QSOX2: variants seen among roughly 807,000 people sequenced by gnomAD.
QSOX2 encodes sulfhydryl oxidase 2.
A neutral mutation model predicts 61.7 loss-of-function variants in QSOX2; 46 were observed. The ratio of observed to expected loss-of-function variants is 0.75; its 90% CI spans 0.59 to 0.95. The LOEUF (loss-of-function observed/expected upper bound fraction) is 0.95, where lower values mean the gene tolerates loss of function less well. Among genes scored for constraint, QSOX2 ranks in the 40% least tolerant of loss-of-function variants. The pLI is 0.00. For missense variants in QSOX2, 879 were observed against 918.9 expected (o/e 0.96, Z 0.56); for synonymous variants, 383 against 388.4 (o/e 0.99, Z 0.16).
chr9:136,227,905 G>A (rs1165384075), intron 1 of QSOX2, among the ~76,000 whole-genome samples: 1 of 152,112 alleles, frequency 6.6e-6, no homozygotes, highest in Non-Finnish European at 1.5e-5. Flanking sequence ...CTTGAGCCCG[G>A]AAGGCACAGG....
In QSOX2 at chr9:136,221,700, C is replaced by T; in HGVS notation, c.821+96G>A. Reference sequence around the variant, plus strand: ...GAAGCGAGGCGGAGGGGCCAGGGCTCCCCCGATCTCACACCAGACTTGCAC... The same window carrying T: ...GAAGCGAGGCGGAGGGGCCAGGGCTTCCCCGATCTCACACCAGACTTGCAC... On this transcript the variant is annotated intron_variant, in intron 6 of 11. Coordinates refer to ENST00000358701, the MANE Select transcript of QSOX2 (RefSeq NM_181701.4). The surrounding 1 kb of genome is among the most constrained non-coding windows in gnomAD (Gnocchi z 4.5). 2 of 1,354,646 alleles carry T rather than the reference C, an allele frequency of 1.5e-6. No individual in the cohort carries two copies. The highest frequency in any genetic ancestry group is 9.9e-7 in the Non-Finnish European group (1 of 1,012,986). 83.9% of individuals were successfully genotyped at this position (1,354,646 alleles called of 1,614,324 possible). A position where few individuals can be genotyped will look rare whatever the true frequency, so the allele number is the denominator to read the frequency against.
At chr9:136,224,782 C>G (rs1307043307) in intron 3 of QSOX2, 79 bp downstream of exon 3, 1 of 991,524 alleles carries the variant, frequency 1.0e-6, no homozygotes. Flanking sequence ...TGGGAGCTCC[C>G]CAGGCTCTGG....
chr9:136,211,426 G>T lies in QSOX2; in HGVS notation c.1387C>A (p.Leu463Met). ...TGFEDDPQAV[L>M]QTMRRYVHTF... ...TGAACGTACCTCCTCATTGTCTGCA[G>T]CACAGCCTGGGGGTCGTCTTCAAAG... The change falls in exon 11 of 12, where the codon CTG (leucine) becomes ATG (methionine). Residue 463 changes from leucine (L) to methionine (M), a missense_variant. Coordinates refer to ENST00000358701, the MANE Select transcript of QSOX2 (RefSeq NM_181701.4). 6.2e-7 allele frequency: 1 copy of T among 1,614,130 alleles called. No homozygotes were observed. Among genetic ancestry groups the T allele is most frequent in the Admixed American group, 1.7e-5 (1 of 60,026 alleles).
intron 1 of QSOX2, among the ~76,000 whole-genome samples, chr9:136,231,341 C>T (rs1397965332): frequency 6.6e-6 from 1 of 152,218 alleles, no homozygotes; most frequent in Non-Finnish European, 1.5e-5. Flanking sequence ...ATGCTGCAGC[C>T]CAAACATGCA....
intron 6 of QSOX2, among the ~76,000 whole-genome samples, chr9:136,220,036 A>G (rs1250928239): frequency 6.6e-6 from 1 of 152,016 alleles, no homozygotes; most frequent in Non-Finnish European, 1.5e-5. Context: ...ATTTTCACTC[A>G]TTTATCTATT....
chr9:136,231,268 G>C (rs182113418), intron 1 of QSOX2, among the ~76,000 whole-genome samples: 114 of 152,260 alleles, frequency 7.5e-4, no homozygotes, highest in Middle Eastern at 3.4e-3. Context: ...TCCGACTAGC[G>C]TGTGACCAGA....
At chr9:136,234,352 T>C (rs1300637467) in intron 1 of QSOX2, among the ~76,000 whole-genome samples, 1 of 152,194 alleles carries the variant, frequency 6.6e-6, no homozygotes, top group East Asian at 1.9e-4. Context: ...CATTTTTGAC[T>C]GTACAGGAGC....
At chr9:136,240,457 G>C (rs1339111086) in intron 1 of QSOX2, among the ~76,000 whole-genome samples, 1 of 152,198 alleles carries the variant, frequency 6.6e-6, no homozygotes. Context: ...AGGGAGCTGT[G>C]TTTAAGGGAC....
chr9:136,219,315 G>T, intron 6 of QSOX2, 151 bp from the exon 7 acceptor site: 1 of 929,380 alleles, frequency 1.1e-6, no homozygotes, highest in Non-Finnish European at 1.5e-6. Context: ...CTGACACCCC[G>T]CCTGGGCTCC....
At chr9:136,226,358 G>A (rs999593216) in intron 2 of QSOX2, among the ~76,000 whole-genome samples, 6 of 152,214 alleles carry the variant, frequency 3.9e-5, no homozygotes, top group Non-Finnish European at 7.4e-5. Context: ...GAGGCCCTGT[G>A]CCTGTGTGTG....
Position 136,224,923 on chromosome 9 carries a change from C to T in QSOX2, c.430-14G>A. 2.5e-6 allele frequency: 4 copies of T among 1,599,430 alleles called. No individual in the cohort carries two copies. Among genetic ancestry groups the T allele is most frequent in the Non-Finnish European group, 3.4e-6 (4 of 1,172,184 alleles). On this transcript the variant is annotated splice_polypyrimidine_tract_variant and intron_variant, in intron 2 of 11. Coordinates refer to ENST00000358701, the MANE Select transcript of QSOX2 (RefSeq NM_181701.4). ...TGCTTTAAAATACTAAGAGGAAAAA[C>T]ACAGAACAAGTAAGAGGCAGCCTTC...
chr9:136,242,718 T>C (rs1324339470), intron 1 of QSOX2, among the ~76,000 whole-genome samples: 1 of 152,222 alleles, frequency 6.6e-6, no homozygotes, highest in Non-Finnish European at 1.5e-5. Context: ...GGGCTGGGGC[T>C]GTGGAGAAGC....
At chr9:136,245,441 G>A (rs1830464245) in intron 1 of QSOX2, 35 bp downstream of exon 1, 1 of 1,552,552 alleles carries the variant, frequency 6.4e-7, no homozygotes, top group Non-Finnish European at 8.7e-7. Context: ...GCGGTCCCGG[G>A]GGTCGGGGGG....
chr9:136,216,450 C>T (rs1831914218), intron 9 of QSOX2, 150 bp downstream of exon 9: 1 of 1,070,292 alleles, frequency 9.3e-7, no homozygotes. Flanking sequence ...AGGCCATGGC[C>T]ATGATGCTGT....
chr9:136,232,279 C>T (rs1454787658), intron 1 of QSOX2, among the ~76,000 whole-genome samples: 3 of 152,174 alleles, frequency 2.0e-5, no homozygotes, highest in Non-Finnish European at 4.4e-5. Context: ...CCCTCACCTC[C>T]TGTCCCCTCC....
In QSOX2 at chr9:136,210,109, G is replaced by A. The variant is rs138382379; in HGVS notation, c.1550-834C>T. The A allele has an allele frequency of 2.2e-4, 217 of 985,452 alleles. No individual in the cohort carries two copies. In the African/African-American group the frequency reaches 3.2e-3, roughly 14 times the overall value. The allele number at this position is 985,452 out of a possible 1,614,324, so 61.0% of individuals were successfully genotyped here. On this transcript the variant is annotated intron_variant, in intron 11 of 11. Transcript: ENST00000358701. ...TGACTGCGTGCTTATCCGGCCAACCGGCAGCAGGTGCTGCACACGAAGCCA... is the reference window on the plus strand; with the variant it reads ...TGACTGCGTGCTTATCCGGCCAACCAGCAGCAGGTGCTGCACACGAAGCCA...
chr9:136,220,265 G>A (rs1282264142), intron 6 of QSOX2, among the ~76,000 whole-genome samples: 1 of 152,216 alleles, frequency 6.6e-6, no homozygotes, highest in Non-Finnish European at 1.5e-5. Context: ...CTGGGCTCAA[G>A]TAATCCTCTC....
At chr9:136,215,012 G>A (rs1831891382) in intron 10 of QSOX2, 142 bp downstream of exon 10, 3 of 963,582 alleles carry the variant, frequency 3.1e-6, no homozygotes, top group Non-Finnish European at 4.4e-6. Flanking sequence ...CGTGTGAGAG[G>A]AGTCTGAAGT....
chr9:136,220,853 G>A (rs1831972601), intron 6 of QSOX2, among the ~76,000 whole-genome samples: 1 of 152,148 alleles, frequency 6.6e-6, no homozygotes, highest in Non-Finnish European at 1.5e-5. Flanking sequence ...TGGGACTACA[G>A]TGGCACACCA....
Sources: gnomAD v4.1 joint callset for allele counts (sites outside exome capture counted in the v4.1 genomes callset) on GRCh38, gnomAD v4.1.1 for gene constraint, Gnocchi (gnomAD v3.1) non-coding constraint, MANE v1.5 for transcripts, NCBI Gene and HGNC (gene_info 2026-07-23, HGNC 2026-07-21) for gene names.